The following CHST15 variants were observed in gnomAD, a reference collection of about 807,000 sequenced individuals.
The protein encoded by CHST15 is carbohydrate sulfotransferase 15, also known as B cell RAG associated protein (GALNAC4S-6ST).
CHST15 carries 30 observed loss-of-function variants against 53.6 expected under a neutral mutation model. The ratio of observed to expected loss-of-function variants is 0.56; its 90% CI spans 0.42 to 0.76. The LOEUF is 0.76. Among genes scored for constraint, CHST15 ranks in the 30% least tolerant of loss-of-function variants. The pLI is 0.00. For synonymous variants in CHST15, 296 were observed against 289.8 expected (o/e 1.02, Z -0.22); for missense variants, 627 against 740.5 (o/e 0.85, Z 1.78).
At chr10:124,060,880 C>T (rs1267675012) in intron 1 of CHST15, among the ~76,000 whole-genome samples, 2 of 152,012 alleles carry the variant, frequency 1.3e-5, no homozygotes, top group African/African-American at 2.4e-5. Context: ...CCTTTGAGTA[C>T]GAAGAGGAAA....
rs111909297 is a variant in CHST15, at chr10:124,065,921, GA to G, written c.-512-19198del. The stretch of plus-strand genomic sequence containing the variant: ...TGAGCTCAGGACAAAAAAGAAGGGG[GA>G]AAAAAATCCCTCCTCCCTTTTGGAT... On this transcript the variant is annotated intron_variant, in intron 1 of 7. Transcript: ENST00000435907. 4.4e-3 allele frequency among the ~76,000 whole-genome samples: 662 copies of G among 152,142 alleles called. 6 individuals are homozygous for G. The highest frequency in any genetic ancestry group is 0.015 in the African/African-American group (629 of 41,510).
At chr10:124,061,358 G>A (rs1485959602) in intron 1 of CHST15, among the ~76,000 whole-genome samples, 3 of 152,150 alleles carry the variant, frequency 2.0e-5, no homozygotes, top group Admixed American at 6.5e-5. Context: ...TGGGTTTATC[G>A]GGGGTTTCCG....
At chr10:124,012,098 A>T (rs1946433028) in intron 7 of CHST15, among the ~76,000 whole-genome samples, 2 of 152,178 alleles carry the variant, frequency 1.3e-5, no homozygotes, top group Non-Finnish European at 2.9e-5. Flanking sequence ...AGCTCCCAGA[A>T]GGGAAACCAT....
rs1947999617 is a variant in CHST15 at position 124,046,184 on chromosome 10, T to C, written c.29A>G (p.Gln10Arg). The stretch of plus-strand genomic sequence containing the variant: ...CTTGTGTGCGCCGTCGGGTAACAGC[T>C]GTATGCAGCAATTAATGCAGTGCCT... MRHCINCCI[Q>R]LLPDGAHKQQ... The change falls in exon 2 of 8, where the codon CAG becomes CGG. Residue 10 changes from glutamine (Q) to arginine (R), a missense_variant. Physicochemically the swap from Gln to Arg is conservative, Grantham distance 43. Around this residue, in one of 3 missense-constraint regions of CHST15, gnomAD observed 187 missense variants for 251.8 expected, o/e 0.74. Transcript: ENST00000435907. 1 of 1,611,420 alleles carries C rather than the reference T, an allele frequency of 6.2e-7. No individual in the cohort carries two copies. Among genetic ancestry groups the C allele is most frequent in the Non-Finnish European group, 8.5e-7 (1 of 1,178,546 alleles).
chr10:124,010,739 CAG>C, intron 7 of CHST15: 5 of 985,496 alleles, frequency 5.1e-6, no homozygotes, highest in Non-Finnish European at 6.0e-6. Context: ...TCCTGCTCAG[CAG>C]CCCTCTGGAA....
rs1156572877 is a variant in CHST15, at chr10:124,036,996, T to C, written c.1190+1519A>G. The stretch of plus-strand genomic sequence containing the variant: ...AAACCCAGGTGTGGGGCAGAGGTGG[T>C]TCCTCTGGGATGCCAGGGGAGAATC... On this transcript the variant is annotated intron_variant, in intron 5 of 7. Transcript: ENST00000435907. The surrounding 1 kb of genome is among the most constrained non-coding windows in gnomAD (Gnocchi z 5.1). Among the ~76,000 whole-genome samples, 1 of 152,092 alleles carries C rather than the reference T, an allele frequency of 6.6e-6. No individual in the cohort carries two copies. Among genetic ancestry groups the C allele is most frequent in the Non-Finnish European group, 1.5e-5 (1 of 68,000 alleles).
intron 5 of CHST15, among the ~76,000 whole-genome samples, chr10:124,023,817 A>G (rs569898643): frequency 1.5e-4 from 23 of 149,814 alleles, no homozygotes; most frequent in African/African-American, 5.6e-4. Context: ...CCATGCATCC[A>G]GGTATCTGAC....
intron 5 of CHST15, among the ~76,000 whole-genome samples, chr10:124,029,253 A>G (rs971118856): frequency 6.6e-6 from 1 of 152,216 alleles, no homozygotes; most frequent in African/African-American, 2.4e-5. Context: ...TGACTGTCTC[A>G]TCAGGAGGCT....
At chr10:124,079,922 G>A (rs1222904008) in intron 1 of CHST15, among the ~76,000 whole-genome samples, 1 of 152,208 alleles carries the variant, frequency 6.6e-6, no homozygotes, top group African/African-American at 2.4e-5. Flanking sequence ...TTCACCTTTG[G>A]GAATTCACAG....
intron 4 of CHST15, 135 bp from the exon 5 acceptor site, chr10:124,038,806 G>A (rs1040175656): frequency 1.4e-5 from 12 of 871,024 alleles, no homozygotes; most frequent in Non-Finnish European, 2.1e-5. Flanking sequence ...GTCAGCCTTT[G>A]CGGGCATCTG....
intron 1 of CHST15, among the ~76,000 whole-genome samples, 187 bp downstream of exon 1, chr10:124,093,282 G>C (rs1265438253): frequency 1.0e-4 from 15 of 149,678 alleles, no homozygotes; most frequent in African/African-American, 3.5e-4. Context: ...ACCGCGCCGG[G>C]AGCGCCGCGG....
chr10:124,049,445 T>C (rs1242998544), intron 1 of CHST15, among the ~76,000 whole-genome samples: 1 of 152,210 alleles, frequency 6.6e-6, no homozygotes, highest in Non-Finnish European at 1.5e-5. Context: ...CAAGCCTCAG[T>C]GAGCAGCTTT....
intron 1 of CHST15, among the ~76,000 whole-genome samples, chr10:124,082,965 T>G (rs1039849658): frequency 5.3e-5 from 8 of 152,206 alleles, no homozygotes; most frequent in African/African-American, 1.9e-4. Flanking sequence ...AGCTAAGGTG[T>G]ACAAGATGTC....
rs1479474845 is a variant in CHST15 at position 124,008,698 on chromosome 10, C to T, written c.*1451G>A. ...TCTGTCTCACACATACAAGTTAGAG[C>T]TGGGTAGACGGGTGCTTGCACTTTC... On this transcript the variant is annotated 3_prime_UTR_variant, in exon 8 of 8. Transcript: ENST00000435907. 4.4e-6 allele frequency: 5 copies of T among 1,138,218 alleles called. No homozygotes were observed. Among genetic ancestry groups the T allele is most frequent in the Non-Finnish European group, 5.5e-6 (5 of 910,678 alleles). The allele number at this position is 1,138,218 out of a possible 1,614,324, so 70.5% of individuals were successfully genotyped here. A position where few individuals can be genotyped will look rare whatever the true frequency, so the allele number is the denominator to read the frequency against.
Position 124,019,702 on chromosome 10 carries a change from G to A in CHST15, c.1347+1554C>T, listed in dbSNP as rs1002583907. On this transcript the variant is annotated intron_variant, in intron 6 of 7. Coordinates refer to ENST00000435907, the MANE Select transcript of CHST15 (RefSeq NM_001270764.2). This position sits in a 1 kb window ranked among gnomAD's most constrained non-coding sequence, Gnocchi z 4.6. ...TATAGGTGCCTCAGCCATGAACACAGTAGTGAGATATTCCTTTTCCACTCC... is the reference window on the plus strand; with the variant it reads ...TATAGGTGCCTCAGCCATGAACACAATAGTGAGATATTCCTTTTCCACTCC... 1 of 834,964 alleles carries A rather than the reference G, an allele frequency of 1.2e-6. No individual in the cohort carries two copies. Among genetic ancestry groups the A allele is most frequent in the Non-Finnish European group, 1.4e-6 (1 of 692,418 alleles). 51.7% of individuals were successfully genotyped at this position (834,964 alleles called of 1,614,324 possible).
Position 124,038,655 on chromosome 10 carries a change from G to A in CHST15, c.1050C>T (p.Ser350=). 6.2e-7 allele frequency: 1 copy of A among 1,614,080 alleles called. No individual in the cohort carries two copies. Among genetic ancestry groups the A allele is most frequent in the Non-Finnish European group, 8.5e-7 (1 of 1,180,006 alleles). Residue 350 remains serine, a synonymous_variant, in exon 5 of 8, where the codon TCC becomes TCT. Coordinates refer to ENST00000435907, the MANE Select transcript of CHST15 (RefSeq NM_001270764.2). ...TCCAGGCATTATTATCCCACATCGTGGAGGCACTGGCCTCCCCTGGAAACA... is the reference window on the plus strand; with the variant it reads ...TCCAGGCATTATTATCCCACATCGTAGAGGCACTGGCCTCCCCTGGAAACA... ...NTIIIGEASA[S]TMWDNNAWTF...
intron 1 of CHST15, among the ~76,000 whole-genome samples, chr10:124,073,684 A>T (rs1439369536): frequency 6.6e-6 from 1 of 152,270 alleles, no homozygotes; most frequent in Admixed American, 6.5e-5. Flanking sequence ...AGGCGCATGA[A>T]TGAGCCAATG....
At chr10:124,039,376 G>A (rs752599039) in intron 4 of CHST15, among the ~76,000 whole-genome samples, 5 of 152,180 alleles carry the variant, frequency 3.3e-5, no homozygotes, top group South Asian at 2.1e-4. Flanking sequence ...CTTCCAAAGC[G>A]TCAGGAGAAA....
intron 1 of CHST15, among the ~76,000 whole-genome samples, chr10:124,086,290 C>T (rs1361211511): frequency 3.3e-5 from 5 of 152,186 alleles, no homozygotes; most frequent in Admixed American, 2.0e-4. Flanking sequence ...AACCGTGGGC[C>T]GGGCACGGAG....
Sources: allele counts gnomAD v4.1 joint callset (sites outside exome capture counted in the v4.1 genomes callset), GRCh38; gene constraint gnomAD v4.1.1; regional missense constraint gnomAD v4.1.1; non-coding constraint Gnocchi (gnomAD v3.1); transcripts MANE v1.5; gene names NCBI Gene and HGNC (gene_info 2026-07-23, HGNC 2026-07-21).